Variants in SLC29A3 observed in about 807,000 individuals in gnomAD.
SLC29A3 encodes equilibrative nucleoside transporter 3.
SLC29A3 carries 18 observed loss-of-function variants against 25.4 expected under a neutral mutation model. The ratio of observed to expected loss-of-function variants is 0.71; its 90% CI spans 0.49 to 1.05. SLC29A3 has a LOEUF of 1.05. SLC29A3 is among the 50% of genes least tolerant of loss of function. The pLI is 0.00. For missense variants in SLC29A3, 586 were observed against 609.0 expected (o/e 0.96, Z 0.40); for synonymous variants, 258 against 267.1 (o/e 0.97, Z 0.33).
exon 5 of SLC29A3, chr10:71,379,923 G>A (rs1589249484): frequency 6.6e-6 from 1 of 152,108 alleles, no homozygotes; most frequent in South Asian, 2.1e-4. Context: ...ACTCCCTCAA[G>A]GTCCATCCCT....
chr10:71,358,950 G>C (rs550191824), intron 5 of SLC29A3, among the ~76,000 whole-genome samples: 1 of 151,954 alleles, frequency 6.6e-6, no homozygotes, highest in Non-Finnish European at 1.5e-5. Context: ...TCACTCTGTC[G>C]CCCAGGTTGG....
rs767308176 is a variant in SLC29A3 at position 71,351,628 on chromosome 10, T to C, written c.450T>C (p.Thr150=). The change falls in exon 4 of 6, where the codon ACT becomes ACC. Residue 150 remains threonine, a synonymous_variant. Transcript: ENST00000373189. ...TVILAIFMVI[T]ALVKVDTSSW... Reference sequence around the variant, plus strand: ...TCCTGGCCATCTTCATGGTGATAACTGCACTGGTGAAGGTGGACACTTCCT... The same window carrying C: ...TCCTGGCCATCTTCATGGTGATAACCGCACTGGTGAAGGTGGACACTTCCT... 14 of 1,614,090 alleles carry C rather than the reference T, an allele frequency of 8.7e-6. No individual in the cohort carries two copies. The highest frequency in any genetic ancestry group is 1.6e-4 in the Middle Eastern group (1 of 6,084).
At chr10:71,334,270 G>T (rs1298647704) in intron 2 of SLC29A3, among the ~76,000 whole-genome samples, 1 of 152,270 alleles carries the variant, frequency 6.6e-6, no homozygotes, top group East Asian at 1.9e-4. Context: ...CCCTTGCAGA[G>T]TGAAAGCTGC....
intron 3 of SLC29A3, among the ~76,000 whole-genome samples, chr10:71,348,825 A>G (rs926863702): frequency 2.6e-5 from 4 of 152,192 alleles, no homozygotes; most frequent in Non-Finnish European, 4.4e-5. Context: ...TGAAACAAGG[A>G]TTCAAATGCG....
chr10:71,362,346 T>C lies in SLC29A3; in HGVS notation c.1166T>C (p.Leu389Pro). The change falls in exon 6 of 6, where the codon CTC becomes CCC. Residue 389 changes from leucine to proline, a missense_variant. Leu to Pro is a moderately conservative substitution (Grantham distance 98, BLOSUM62 -3). Coordinates refer to ENST00000373189, the MANE Select transcript of SLC29A3 (RefSeq NM_018344.6). Reference sequence around the variant, plus strand: ...GGGTTCGTGCTCCTCCGGACCTGCCTCATCCCCCTCTTCGTGCTCTGTAAC... The same window carrying C: ...GGGTTCGTGCTCCTCCGGACCTGCCCCATCCCCCTCTTCGTGCTCTGTAAC... Reference protein sequence around the residue: ...LPGFVLLRTCLIPLFVLCNYQ... With the variant: ...LPGFVLLRTCPIPLFVLCNYQ... 3 of 1,614,164 alleles carry C rather than the reference T, an allele frequency of 1.9e-6. No individual in the cohort carries two copies. Among genetic ancestry groups the C allele is most frequent in the Non-Finnish European group, 2.5e-6 (3 of 1,180,026 alleles).
At chr10:71,361,812 A>G in intron 5 of SLC29A3, 142 bp from the exon 6 acceptor site, 1 of 956,446 alleles carries the variant, frequency 1.0e-6, no homozygotes, top group Non-Finnish European at 1.6e-6. Flanking sequence ...CTGTCATCTC[A>G]GGGAACGCTG....
chr10:71,343,205 A>G (rs1039218845), intron 2 of SLC29A3, among the ~76,000 whole-genome samples: 2 of 152,148 alleles, frequency 1.3e-5, no homozygotes. Flanking sequence ...GGTTCAAGCC[A>G]TCCTCCCACC....
intron 3 of SLC29A3, among the ~76,000 whole-genome samples, chr10:71,375,288 A>G (rs1206973008): frequency 6.6e-6 from 1 of 152,194 alleles, no homozygotes; most frequent in East Asian, 1.9e-4. Context: ...AAGTGCTGGT[A>G]CTGTGCTGTG....
intron 2 of SLC29A3, among the ~76,000 whole-genome samples, chr10:71,335,779 A>G (rs1333748820): frequency 6.6e-6 from 1 of 152,116 alleles, no homozygotes; most frequent in African/African-American, 2.4e-5. Context: ...AGGACCCCCA[A>G]GCGGTTGTTC....
chr10:71,362,683 T>C lies in SLC29A3; in HGVS notation c.*75T>C. ...GAGAGTGCAGGAGGGCTGGGGGCCATGGAGGAAAGGCCTAAAGTTTCACTT... is the reference window on the plus strand; with the variant it reads ...GAGAGTGCAGGAGGGCTGGGGGCCACGGAGGAAAGGCCTAAAGTTTCACTT... On this transcript the variant is annotated 3_prime_UTR_variant, in exon 6 of 6. Transcript: ENST00000373189. 6.3e-7 allele frequency: 1 copy of C among 1,593,814 alleles called. No individual in the cohort carries two copies. The highest frequency in any genetic ancestry group is 8.6e-7 in the Non-Finnish European group (1 of 1,166,082).
At chr10:71,322,492 G>C (rs1393017963) in intron 1 of SLC29A3, among the ~76,000 whole-genome samples, 1 of 152,198 alleles carries the variant, frequency 6.6e-6, no homozygotes, top group African/African-American at 2.4e-5. Flanking sequence ...ACAGTTATGT[G>C]CTACTGCTAC....
At position 71,322,971 on chromosome 10, in the gene SLC29A3, A is replaced by G; in HGVS notation, c.217A>G (p.Thr73Ala). The G allele has an allele frequency of 6.2e-7, 1 of 1,614,112 alleles. No homozygotes were observed. The highest frequency in any genetic ancestry group is 8.5e-7 in the Non-Finnish European group (1 of 1,180,044). The change falls in exon 2 of 6, where the codon ACT becomes GCT. Residue 73 changes from threonine to alanine, a missense_variant. Thr to Ala is a moderately conservative substitution (Grantham distance 58, BLOSUM62 0). Coordinates refer to ENST00000373189, the MANE Select transcript of SLC29A3 (RefSeq NM_018344.6). ...GSLLPWNFFITAKEYWMFKLR... is the reference protein window; with the variant it reads ...GSLLPWNFFIAAKEYWMFKLR... Reference sequence around the variant, plus strand: ...TCTACTGCCATGGAACTTCTTTATCACTGCCAAGGAGTACTGGATGTTCAA... The same window carrying G: ...TCTACTGCCATGGAACTTCTTTATCGCTGCCAAGGAGTACTGGATGTTCAA...
rs113650542 is a variant in SLC29A3 at position 71,360,540 on chromosome 10, T to C, written c.774-1414T>C. ...ACTAAACAGGTGCCTCTGGTAGAGA[T>C]GAACAGGGCAAGTTACTTCAGTTAG... On this transcript the variant is annotated intron_variant, in intron 5 of 5. Transcript: ENST00000373189. 4.4e-3 allele frequency among the ~76,000 whole-genome samples: 667 copies of C among 152,338 alleles called. 11 individuals carry two copies. Among genetic ancestry groups the C allele is most frequent in the Non-Finnish European group, 6.0e-3 (410 of 68,036 alleles).
At chr10:71,322,505 C>T (rs1021892622) in intron 1 of SLC29A3, among the ~76,000 whole-genome samples, 1 of 152,216 alleles carries the variant, frequency 6.6e-6, no homozygotes, top group Non-Finnish European at 1.5e-5. Context: ...ACTGCTACCT[C>T]TGTTGCCCTT....
intron 1 of SLC29A3, among the ~76,000 whole-genome samples, chr10:71,321,779 C>A (rs972687923): frequency 6.6e-6 from 1 of 152,232 alleles, no homozygotes; most frequent in Non-Finnish European, 1.5e-5. Flanking sequence ...CTAGGCTCTT[C>A]CATTTATCTT....
At chr10:71,328,560 C>T (rs1433624749) in intron 2 of SLC29A3, among the ~76,000 whole-genome samples, 1 of 152,186 alleles carries the variant, frequency 6.6e-6, no homozygotes, top group Non-Finnish European at 1.5e-5. Context: ...GAATAAAACT[C>T]TCTTACTCTA....
chr10:71,341,553 A>T (rs1349074031), intron 2 of SLC29A3, among the ~76,000 whole-genome samples: 1 of 152,210 alleles, frequency 6.6e-6, no homozygotes, highest in East Asian at 1.9e-4. Flanking sequence ...CTGAATTTAA[A>T]TTGAAACAGG....
intron 5 of SLC29A3, among the ~76,000 whole-genome samples, chr10:71,357,032 T>C (rs932506123): frequency 6.6e-5 from 10 of 152,130 alleles, no homozygotes; most frequent in Admixed American, 5.2e-4. Context: ...GCTGCAGCCT[T>C]GACCTCCTGG....
At chr10:71,341,891 T>C (rs1050691587) in intron 2 of SLC29A3, among the ~76,000 whole-genome samples, 1 of 152,192 alleles carries the variant, frequency 6.6e-6, no homozygotes, top group African/African-American at 2.4e-5. Context: ...TTCAGTTTCT[T>C]GTGGGGAGAG....
Sources: allele counts gnomAD v4.1 joint callset (sites outside exome capture counted in the v4.1 genomes callset), GRCh38; gene constraint gnomAD v4.1.1; transcripts MANE v1.5; gene names NCBI Gene and HGNC (gene_info 2026-07-23, HGNC 2026-07-21).